The following CDCA7L variants were observed in gnomAD, a reference collection of about 807,000 sequenced individuals.
The protein encoded by CDCA7L is cell division cycle associated 7 like.
In CDCA7L, 44 loss-of-function variants were observed where a neutral mutation model predicts 57.4. The ratio of observed to expected loss-of-function variants is 0.77; its 90% confidence interval spans 0.60 to 0.98. The LOEUF is 0.98. Among genes scored for constraint, CDCA7L ranks in the 50% least tolerant of loss-of-function variants. CDCA7L has a pLI of 0.00. For missense variants in CDCA7L, 644 were observed against 580.6 expected (o/e 1.11, Z -1.12); for synonymous variants, 236 against 202.8 (o/e 1.16, Z -1.39).
Position 21,905,600 on chromosome 7 carries a change from C to T in CDCA7L, c.953G>A (p.Arg318His), listed in dbSNP as rs146158399. The change falls in exon 7 of 10, where the codon CGT (arginine) becomes CAT (histidine). Residue 318 changes from arginine (R) to histidine (H), a missense_variant. Arg to His is a conservative substitution (Grantham distance 29, BLOSUM62 0). Coordinates refer to ENST00000406877, the MANE Select transcript of CDCA7L (RefSeq NM_018719.5). Reference sequence around the variant, plus strand: ...CTCCACTGGCCGAAAAGAAGATATACGGTGACGTCGTCTGTACTCCCGGCA... The same window carrying T: ...CTCCACTGGCCGAAAAGAAGATATATGGTGACGTCGTCTGTACTCCCGGCA... ...GKCREYRRRH[R>H]ISSFRPVEDI... is the part of the protein sequence containing the mutation. The T allele has an allele frequency of 1.2e-5, 19 of 1,613,798 alleles. No homozygotes were observed. In the African/African-American group the frequency reaches 1.6e-4, roughly 14 times the overall value.
intron 3 of CDCA7L, among the ~76,000 whole-genome samples, chr7:21,910,374 C>T (rs2063617894): frequency 6.6e-6 from 1 of 152,182 alleles, no homozygotes; most frequent in Admixed American, 6.5e-5. Flanking sequence ...CTCTATGTTG[C>T]TACTCATAGC....
At position 21,901,131 on chromosome 7, in the gene CDCA7L, CGAGTGCCCTGT is replaced by C; in HGVS notation, c.*1180_*1190del. The C allele has an allele frequency of 6.2e-7, 1 of 1,613,342 alleles. No homozygotes were observed. The highest frequency in any genetic ancestry group is 1.1e-5 in the South Asian group (1 of 91,088). Reference sequence around the variant, plus strand: ...ACAGACAAGAAACCAAACAGACCTACGAGTGCCCTGTGTATAGAACCAAACTGAGAGGCCCC... The same window carrying C: ...ACAGACAAGAAACCAAACAGACCTACGTATAGAACCAAACTGAGAGGCCCC... On this transcript the variant is annotated 3_prime_UTR_variant, in exon 10 of 10. Transcript: ENST00000406877.
rs1162307732 is a variant in CDCA7L, at chr7:21,905,550, T to C, written c.1003A>G (p.Asn335Asp). 1 of 1,614,072 alleles carries C rather than the reference T, an allele frequency of 6.2e-7. No homozygotes were observed. Among genetic ancestry groups the C allele is most frequent in the Admixed American group, 1.7e-5 (1 of 60,018 alleles). ...TTATCTCGAACAGTTATGGCAACAT[T>C]TTCTAAGTCCTCTTCGGTGATATCC... is the stretch of plus-strand genomic sequence containing the variant. ...VEDITEEDLE[N>D]VAITVRDKIY... Residue 335 changes from asparagine (N) to aspartate (D), a missense_variant, in exon 7 of 10, where the codon AAT becomes GAT. Transcript: ENST00000406877.
chr7:21,905,522 A>AT lies in CDCA7L; in HGVS notation c.1030dup (p.Ile344AsnfsTer3). ...ATACTTTACCAGAACTTTATCATAG[A>AT]TTTTATCTCGAACAGTTATGGCAAC... On this transcript the variant is annotated frameshift_variant, in exon 7 of 10. Transcript: ENST00000406877. LOFTEE classifies it high-confidence loss of function. The AT allele has an allele frequency of 6.2e-7, 1 of 1,613,920 alleles. No homozygotes were observed. Among genetic ancestry groups the AT allele is most frequent in the Non-Finnish European group, 8.5e-7 (1 of 1,179,918 alleles).
intron 1 of CDCA7L, among the ~76,000 whole-genome samples, chr7:21,928,705 AG>A (rs1785902217): frequency 1.3e-5 from 2 of 151,914 alleles, no homozygotes; most frequent in Non-Finnish European, 2.9e-5. Context: ...AGGATATCAG[AG>A]ACTGAAGATC....
intron 1 of CDCA7L, chr7:21,944,593 T>C (rs2128072561): frequency 6.6e-6 from 1 of 152,024 alleles, no homozygotes; most frequent in African/African-American, 2.4e-5. Context: ...ATTTTAAAAA[T>C]ATTCTCAGAA....
chr7:21,901,108 A>G lies in CDCA7L; in HGVS notation c.*1214T>C. The G allele has an allele frequency of 6.2e-7, 1 of 1,613,542 alleles. No homozygotes were observed. Among genetic ancestry groups the G allele is most frequent in the Non-Finnish European group, 8.5e-7 (1 of 1,179,548 alleles). On this transcript the variant is annotated 3_prime_UTR_variant, in exon 10 of 10. Coordinates refer to ENST00000406877, the MANE Select transcript of CDCA7L (RefSeq NM_018719.5). ...CTTTGCAAAAGCCACCCCCGTGGAC[A>G]GACAAGAAACCAAACAGACCTACGA...
In CDCA7L at chr7:21,917,489, T is replaced by C. The variant is rs373716079; in HGVS notation, c.25-595A>G. Among the ~76,000 whole-genome samples, 154 of 152,334 alleles carry C rather than the reference T, an allele frequency of 1.0e-3. 5 individuals are homozygous for C. The South Asian group carries it at 0.031, about 31-fold the overall frequency. Reference sequence around the variant, plus strand: ...CCAGAGAGAACAATGTCAGCACACTTAATCCACAAATATGTATCTGCTGGA... The same window carrying C: ...CCAGAGAGAACAATGTCAGCACACTCAATCCACAAATATGTATCTGCTGGA... On this transcript the variant is annotated intron_variant, in intron 1 of 9. Coordinates refer to ENST00000406877, the MANE Select transcript of CDCA7L (RefSeq NM_018719.5).
rs189402628 is a variant in CDCA7L at position 21,914,297 on chromosome 7, C to A, written c.165+2457G>T. Among the ~76,000 whole-genome samples, 377 of 152,198 alleles carry A rather than the reference C, an allele frequency of 2.5e-3. 1 individual carries two copies. Among genetic ancestry groups the A allele is most frequent in the African/African-American group, 8.1e-3 (335 of 41,510 alleles). ...AGAGGAAAGGAACAATACATGAGGA[C>A]GAAAAGTCAGAGCCAGGGAAGCTAG... On this transcript the variant is annotated intron_variant, in intron 2 of 9. Transcript: ENST00000406877.
At chr7:21,903,195 C>T (rs1371731713) in intron 8 of CDCA7L, 81 bp from the exon 9 acceptor site, 2 of 1,376,302 alleles carry the variant, frequency 1.5e-6, no homozygotes, top group South Asian at 2.7e-5. Context: ...CAGAATGGCT[C>T]AGCTGGCCTC....
intron 2 of CDCA7L, among the ~76,000 whole-genome samples, chr7:21,913,754 T>A (rs543952963): frequency 6.6e-6 from 1 of 152,342 alleles, no homozygotes; most frequent in South Asian, 2.1e-4. Context: ...ATTTTGATCC[T>A]GTGTGCTGGC....
At chr7:21,907,609 G>C (rs888133854) in intron 4 of CDCA7L, among the ~76,000 whole-genome samples, 1 of 152,166 alleles carries the variant, frequency 6.6e-6, no homozygotes, top group African/African-American at 2.4e-5. Flanking sequence ...TTCTAATGAA[G>C]ACAATGTAGA....
chr7:21,901,820 T>TAAAACTGTTCTACAGTTAATTGCA lies in CDCA7L; in HGVS notation c.*478_*501dup, dbSNP rs1784883727. The TAAAACTGTTCTACAGTTAATTGCA allele has an allele frequency of 1.2e-5, 2 of 165,780 alleles. No individual in the cohort carries two copies. Among genetic ancestry groups the TAAAACTGTTCTACAGTTAATTGCA allele is most frequent in the Non-Finnish European group, 2.7e-5 (2 of 75,384 alleles). The allele number at this position is 165,780 out of a possible 1,614,324, so 10.3% of individuals were successfully genotyped here. On this transcript the variant is annotated 3_prime_UTR_variant, in exon 10 of 10. Coordinates refer to ENST00000406877, the MANE Select transcript of CDCA7L (RefSeq NM_018719.5). The stretch of plus-strand genomic sequence containing the variant: ...TTGTTCAGTCAAGTTTTAATAAAAA[T>TAAAACTGTTCTACAGTTAATTGCA]AAAACTGTTCTACAGTTAATTGCAC...
chr7:21,940,238 A>G, intron 1 of CDCA7L: 1 of 787,694 alleles, frequency 1.3e-6, no homozygotes, highest in Non-Finnish European at 1.5e-6. Context: ...CAGGGCCAGG[A>G]AAGTGCAACC....
At chr7:21,932,269 A>T (rs1052542458) in intron 1 of CDCA7L, among the ~76,000 whole-genome samples, 5 of 152,224 alleles carry the variant, frequency 3.3e-5, no homozygotes, top group Admixed American at 3.3e-4. Context: ...TCAAGATACC[A>T]ATGACTTTCT....
In CDCA7L at chr7:21,911,628, G is replaced by C; in HGVS notation, c.292C>G (p.Pro98Ala). The C allele has an allele frequency of 1.9e-6, 3 of 1,612,152 alleles. No homozygotes were observed. In the South Asian group the frequency reaches 3.3e-5, roughly 18 times the overall value. Residue 98 changes from proline to alanine, a missense_variant, in exon 3 of 10, where the codon CCA (proline) becomes GCA (alanine). Physicochemically the swap from Pro to Ala is conservative, Grantham distance 27. Coordinates refer to ENST00000406877, the MANE Select transcript of CDCA7L (RefSeq NM_018719.5). ...TQSDLNGKTN[P>A]EVMVVESDLS... The stretch of plus-strand genomic sequence containing the variant: ...GTTGTAATTATTACCATTACTTCTG[G>C]GTTAGTCTTTCCATTCAGATCACTC...
chr7:21,935,989 CAGAGCAAGACT>C (rs963827721), intron 1 of CDCA7L, among the ~76,000 whole-genome samples: 7 of 151,956 alleles, frequency 4.6e-5, no homozygotes, highest in African/African-American at 1.7e-4. Context: ...GCCTGGGCGA[CAGAGCAAGACT>C]CCGTCTCAAA....
At chr7:21,904,423 G>A (rs1273146348) in intron 7 of CDCA7L, among the ~76,000 whole-genome samples, 164 bp from the exon 8 acceptor site, 3 of 152,128 alleles carry the variant, frequency 2.0e-5, no homozygotes, top group Non-Finnish European at 4.4e-5. Context: ...CTAGACCGGG[G>A]TCCCCAGCCC....
intron 1 of CDCA7L, among the ~76,000 whole-genome samples, chr7:21,924,794 G>A (rs10253543): frequency 0.076 from 11,564 of 152,148 alleles, 1,445 homozygotes; most frequent in African/African-American, 0.26. Flanking sequence ...ACCGTTAAGA[G>A]AATGAAAAGG....
Sources: gnomAD v4.1 joint callset for allele counts (sites outside exome capture counted in the v4.1 genomes callset) on GRCh38, gnomAD v4.1.1 for gene constraint, MANE v1.5 for transcripts, NCBI Gene and HGNC (gene_info 2026-07-23, HGNC 2026-07-21) for gene names.